The following DUSP16 variants were observed in gnomAD, a reference collection of about 807,000 sequenced individuals.
DUSP16 encodes dual specificity protein phosphatase 16.
A neutral mutation model predicts 58.3 loss-of-function variants in DUSP16; 21 were observed. The ratio of observed to expected loss-of-function variants is 0.36; its 90% confidence interval spans 0.26 to 0.52. DUSP16 has a LOEUF of 0.52. Ranked by LOEUF, DUSP16 falls within the 20% of genes least tolerant of loss-of-function variation. The pLI, the probability that DUSP16 is intolerant of heterozygous loss-of-function variation, is 0.94. For synonymous variants in DUSP16, 320 were observed against 323.8 expected (o/e 0.99, Z 0.12); for missense variants, 726 against 819.0 (o/e 0.89, Z 1.39).
intron 3 of DUSP16, among the ~76,000 whole-genome samples, chr12:12,516,069 G>A (rs1270680136): frequency 6.6e-6 from 1 of 151,650 alleles, no homozygotes; most frequent in Non-Finnish European, 1.5e-5. Flanking sequence ...AGTCACCATG[G>A]CCGGGCAGTA....
In DUSP16 at chr12:12,518,526, G is replaced by A. The variant is rs967782009; in HGVS notation, c.367+1336C>T. On this transcript the variant is annotated intron_variant, in intron 3 of 6. Transcript: ENST00000298573. ...AAATTCTGTCTCAAAAAAAAAAAAAGAAAAGAAAAACCCTGATCCCATTAA... is the reference window on the plus strand; with the variant it reads ...AAATTCTGTCTCAAAAAAAAAAAAAAAAAAGAAAAACCCTGATCCCATTAA... Among the ~76,000 whole-genome samples the A allele has an allele frequency of 8.0e-3, 1,191 of 149,750 alleles. 22 individuals are homozygous for A. Among genetic ancestry groups the A allele is most frequent in the African/African-American group, 0.027 (1,107 of 40,618 alleles).
At position 12,521,488 on chromosome 12, in the gene DUSP16, A is replaced by T. The variant is rs1051837638; in HGVS notation, c.-365-25T>A. 2.1e-5 allele frequency: 21 copies of T among 1,019,346 alleles called. No homozygotes were observed. The South Asian group carries it at 6.8e-4, about 33-fold the overall frequency. 63.1% of individuals were successfully genotyped at this position (1,019,346 alleles called of 1,614,324 possible). ...CCTACGCGGAGAGAGAAAGACAGAA[A>T]ACAAAACGTGAGGTCAAAAAAAGAA... On this transcript the variant is annotated intron_variant, in intron 1 of 6. Transcript: ENST00000298573.
intron 4 of DUSP16, among the ~76,000 whole-genome samples, chr12:12,494,887 G>A (rs1423219116): frequency 6.6e-6 from 1 of 152,122 alleles, no homozygotes; most frequent in Non-Finnish European, 1.5e-5. Flanking sequence ...ACTCCTAAAG[G>A]ATCTCTTCTT....
chr12:12,545,460 TC>T (rs755041406), intron 1 of DUSP16, among the ~76,000 whole-genome samples: 3 of 147,754 alleles, frequency 2.0e-5, no homozygotes, highest in Admixed American at 6.8e-5. Flanking sequence ...TTTTTTTTTT[TC>T]CGTAAAGACA....
chr12:12,504,603 C>T (rs1943958941), intron 3 of DUSP16, among the ~76,000 whole-genome samples: 2 of 148,072 alleles, frequency 1.4e-5, no homozygotes, highest in Admixed American at 6.9e-5. Context: ...ATATATTTTT[C>T]AATTCTGGCT....
At chr12:12,489,138 T>C (rs909864229) in intron 4 of DUSP16, among the ~76,000 whole-genome samples, 1 of 152,112 alleles carries the variant, frequency 6.6e-6, no homozygotes, top group Non-Finnish European at 1.5e-5. Flanking sequence ...TATGCAACCA[T>C]CTCTTATCTC....
At chr12:12,526,886 A>G (rs1007421750) in intron 1 of DUSP16, among the ~76,000 whole-genome samples, 2 of 152,190 alleles carry the variant, frequency 1.3e-5, no homozygotes, top group African/African-American at 4.8e-5. Context: ...TGCTGCCCTA[A>G]AACACCCACT....
rs909607409 is a variant in DUSP16, at chr12:12,476,749, C to CAT, written c.*82_*83dup. On this transcript the variant is annotated 3_prime_UTR_variant, in exon 7 of 7. Coordinates refer to ENST00000298573, the MANE Select transcript of DUSP16 (RefSeq NM_030640.3). ...TTTTCCAAAAATATATATGTATGTA[C>CAT]ATATATATATTTCAGATTTACAGGG... The CAT allele has an allele frequency of 5.4e-6, 7 of 1,298,682 alleles. No individual in the cohort carries two copies. In the East Asian group the frequency reaches 7.0e-5, roughly 13 times the overall value. 80.4% of individuals were successfully genotyped at this position (1,298,682 alleles called of 1,614,324 possible). A position where few individuals can be genotyped will look rare whatever the true frequency, so the allele number is the denominator to read the frequency against.
At chr12:12,517,635 G>C (rs1592189319) in intron 3 of DUSP16, among the ~76,000 whole-genome samples, 1 of 152,144 alleles carries the variant, frequency 6.6e-6, no homozygotes, top group South Asian at 2.1e-4. Context: ...TGGATGATTG[G>C]GAAGGCTTCT....
chr12:12,544,211 T>A (rs917091386), intron 1 of DUSP16, among the ~76,000 whole-genome samples: 1 of 152,150 alleles, frequency 6.6e-6, no homozygotes, highest in African/African-American at 2.4e-5. Context: ...ATGGCTGAGT[T>A]TTGCCTGTTT....
chr12:12,495,744 T>C (rs543781454), intron 4 of DUSP16, among the ~76,000 whole-genome samples: 1 of 152,382 alleles, frequency 6.6e-6, no homozygotes, highest in East Asian at 1.9e-4. Flanking sequence ...GTAATTTTTC[T>C]TTCTGAAGTC....
intron 1 of DUSP16, among the ~76,000 whole-genome samples, chr12:12,530,370 T>C (rs1767451221): frequency 6.6e-6 from 1 of 152,204 alleles, no homozygotes; most frequent in Admixed American, 6.5e-5. Context: ...TTCTTGCCAT[T>C]GAGTTGTTGG....
chr12:12,474,579 G>C lies in DUSP16; in HGVS notation c.*2254C>G, dbSNP rs367697084. 3.3e-5 allele frequency: 5 copies of C among 152,270 alleles called. No homozygotes were observed. Among genetic ancestry groups the C allele is most frequent in the Non-Finnish European group, 5.9e-5 (4 of 68,048 alleles). The allele number at this position is 152,270 out of a possible 1,614,324, so 9.4% of individuals were successfully genotyped here. A position where few individuals can be genotyped will look rare whatever the true frequency, so the allele number is the denominator to read the frequency against. The stretch of plus-strand genomic sequence containing the variant: ...GCCTCCGAGGCCACCCCTTCGCCAC[G>C]GCAGTCTCGATTCCAAGAACTGATT... On this transcript the variant is annotated 3_prime_UTR_variant, in exon 7 of 7. Coordinates refer to ENST00000298573, the MANE Select transcript of DUSP16 (RefSeq NM_030640.3).
intron 4 of DUSP16, among the ~76,000 whole-genome samples, chr12:12,495,046 C>T (rs975973405): frequency 3.9e-5 from 6 of 152,028 alleles, no homozygotes; most frequent in South Asian, 2.1e-4. Flanking sequence ...ACCTAACCTC[C>T]GGTAGCTTTA....
At chr12:12,500,980 C>G (rs1943900626) in intron 3 of DUSP16, among the ~76,000 whole-genome samples, 1 of 152,004 alleles carries the variant, frequency 6.6e-6, no homozygotes, top group South Asian at 2.1e-4. Context: ...ACTCCCCATG[C>G]AAATGTTTTT....
intron 4 of DUSP16, among the ~76,000 whole-genome samples, chr12:12,494,790 TA>T (rs1943806812): frequency 2.0e-5 from 3 of 152,154 alleles, no homozygotes; most frequent in Admixed American, 2.0e-4. Flanking sequence ...TGGAAGGTCT[TA>T]AATATCAAGC....
rs1943955044 is a variant in DUSP16 at position 12,504,418 on chromosome 12, C to T, written c.368-3736G>A. On this transcript the variant is annotated intron_variant, in intron 3 of 6. Coordinates refer to ENST00000298573, the MANE Select transcript of DUSP16 (RefSeq NM_030640.3). ...CCAGGGCTACAGGGGAACACCACCA[C>T]GCCCAGCTAATTTTTGTATTTTTGT... Among the ~76,000 whole-genome samples, 3 of 151,972 alleles carry T rather than the reference C, an allele frequency of 2.0e-5. No homozygotes were observed. The South Asian group carries it at 6.2e-4, about 32-fold the overall frequency.
chr12:12,547,195 G>A (rs977091658), intron 1 of DUSP16, among the ~76,000 whole-genome samples: 16 of 152,102 alleles, frequency 1.1e-4, no homozygotes, highest in Non-Finnish European at 2.2e-4. Flanking sequence ...TTAGGAGGCC[G>A]AGGCAGGTGG....
intron 1 of DUSP16, among the ~76,000 whole-genome samples, chr12:12,551,691 C>CTT (rs35198357): frequency 1.4e-5 from 2 of 140,132 alleles, no homozygotes; most frequent in African/African-American, 2.7e-5. Context: ...CTTAGTAAAC[C>CTT]TTTTTTTTTT....
Sources: allele counts gnomAD v4.1 joint callset (sites outside exome capture counted in the v4.1 genomes callset), GRCh38; gene constraint gnomAD v4.1.1; transcripts MANE v1.5; gene names NCBI Gene and HGNC (gene_info 2026-07-23, HGNC 2026-07-21).